Variants in CHLSN observed in about 807,000 individuals in gnomAD.
CHLSN encodes the protein cholesin.
the CHLSN span, chr7:1,056,731 G>A: frequency 0.11 from 17,438 of 152,218 alleles, 1,225 homozygotes; most frequent in Middle Eastern, 0.25. Flanking sequence ...GAACGATGCC[G>A]TCTGCTCGTC....
At chr7:984,906 T>TGCCCACTTGCCTGGC in the CHLSN span, 1 of 1,537,650 alleles carries the variant, frequency 6.5e-7, no homozygotes, top group Non-Finnish European at 8.7e-7. Flanking sequence ...CGGGGCTGGC[T>TGCCCACTTGCCTGGC]GGGGTGGGAA....
the CHLSN span, chr7:985,231 G>C: frequency 4.4e-5 from 68 of 1,553,094 alleles, no homozygotes; most frequent in South Asian, 7.3e-4. Context: ...GCTCCTCTTC[G>C]GCCGCCGATT....
At chr7:1,014,729 T>G in the CHLSN span, among the ~76,000 whole-genome samples, 1 of 152,356 alleles carries the variant, frequency 6.6e-6, no homozygotes, top group African/African-American at 2.4e-5. Context: ...TTTTCCTAAG[T>G]GATGACTGTG....
the CHLSN span, among the ~76,000 whole-genome samples, chr7:1,070,892 GTGCACACACA>G: frequency 1.4e-5 from 2 of 142,628 alleles, no homozygotes; most frequent in East Asian, 2.1e-4. Context: ...ATGCACACAC[GTGCACACACA>G]TGCACGCACA....
the CHLSN span, chr7:1,127,231 G>T: frequency 6.3e-7 from 1 of 1,579,574 alleles, no homozygotes. Flanking sequence ...CAGAGGGCAG[G>T]GCCAGTGAAG....
At chr7:1,095,543 G>T in the CHLSN span, among the ~76,000 whole-genome samples, 1 of 152,224 alleles carries the variant, frequency 6.6e-6, no homozygotes, top group Non-Finnish European at 1.5e-5. Flanking sequence ...TTCAACAGGG[G>T]CAAGGGCAGA....
chr7:1,061,273 C>T, the CHLSN span, among the ~76,000 whole-genome samples: 2 of 152,132 alleles, frequency 1.3e-5, no homozygotes, highest in African/African-American at 4.8e-5. Flanking sequence ...CTGTGGAGGG[C>T]CCCAGGGACA....
At chr7:1,007,154 C>T in the CHLSN span, among the ~76,000 whole-genome samples, 1 of 152,260 alleles carries the variant, frequency 6.6e-6, no homozygotes, top group South Asian at 2.1e-4. Flanking sequence ...AGAGGAAACT[C>T]TCCACCATGA....
chr7:1,013,506 A>G, the CHLSN span, among the ~76,000 whole-genome samples: 1 of 152,216 alleles, frequency 6.6e-6, no homozygotes, highest in Non-Finnish European at 1.5e-5. Context: ...GGATTCTGGG[A>G]AGGGGCAGAC....
the CHLSN span, among the ~76,000 whole-genome samples, chr7:1,070,768 TGCACACGCAC>T: frequency 7.6e-6 from 1 of 130,986 alleles, no homozygotes; most frequent in African/African-American, 3.0e-5. Flanking sequence ...GACATACACA[TGCACACGCAC>T]GCACACGGAC....
chr7:1,078,926 G>A, the CHLSN span, among the ~76,000 whole-genome samples: 1 of 67,686 alleles, frequency 1.5e-5, no homozygotes, highest in African/African-American at 3.6e-5. Flanking sequence ...CCACCCCAGC[G>A]GGTCAGGGCT....
chr7:1,113,566 CG>C, the CHLSN span, among the ~76,000 whole-genome samples: 1 of 152,184 alleles, frequency 6.6e-6, no homozygotes, highest in African/African-American at 2.4e-5. Flanking sequence ...CAGCTGGAAT[CG>C]GATGGCAGCG....
the CHLSN span, among the ~76,000 whole-genome samples, chr7:1,027,831 G>A: frequency 6.6e-6 from 1 of 152,228 alleles, no homozygotes; most frequent in Non-Finnish European, 1.5e-5. Context: ...GACGACTCCA[G>A]CCCACCCAGG....
chr7:1,058,583 T>C, the CHLSN span: 55 of 673,902 alleles, frequency 8.2e-5, no homozygotes, highest in Admixed American at 7.6e-4. Context: ...CCCTGGACGC[T>C]CCCCACATCC....
chr7:1,095,671 G>T, the CHLSN span, among the ~76,000 whole-genome samples: 3 of 152,234 alleles, frequency 2.0e-5, no homozygotes, highest in Admixed American at 2.0e-4. Flanking sequence ...CAGCCCCGTG[G>T]GGTAAGCGCT....
chr7:1,093,323 A>G, the CHLSN span: 1 of 424,662 alleles, frequency 2.4e-6, no homozygotes, highest in South Asian at 1.8e-5. Flanking sequence ...GGTGGGTCTG[A>G]GCTGGACGTC....
the CHLSN span, chr7:1,093,417 G>A: frequency 6.5e-6 from 3 of 460,382 alleles, 1 homozygote; most frequent in South Asian, 3.1e-5. Context: ...CTGCTCTGGT[G>A]CACGCCTGAG....
At chr7:1,135,911 A>G in the CHLSN span, among the ~76,000 whole-genome samples, 1 of 91,282 alleles carries the variant, frequency 1.1e-5, no homozygotes, top group Non-Finnish European at 2.0e-5. Context: ...ATATATAAAA[A>G]TATATATAAG....
chr7:1,125,669 C>T, the CHLSN span, among the ~76,000 whole-genome samples: 7 of 152,370 alleles, frequency 4.6e-5, no homozygotes, highest in East Asian at 1.9e-4. Context: ...GCGCTCAGCA[C>T]TGAAATCTGA....
Sources: gnomAD v4.1 joint callset for allele counts (sites outside exome capture counted in the v4.1 genomes callset) on GRCh38, gnomAD v4.1.1 for gene constraint, MANE v1.5 for transcripts, NCBI Gene and HGNC (gene_info 2026-07-23, HGNC 2026-07-21) for gene names.